The following IDH2 variants were observed in gnomAD, a reference collection of about 807,000 sequenced individuals.
IDH2 encodes the protein isocitrate dehydrogenase (NADP(+)) 2.
Under a neutral mutation model 50.5 loss-of-function variants are expected in IDH2, and 18 were observed. The observed-to-expected ratio is 0.36, with a 90% confidence interval of 0.25 to 0.53. The LOEUF (loss-of-function observed/expected upper bound fraction) is 0.53, where lower values mean the gene tolerates loss of function less well. IDH2 is among the 20% of genes least tolerant of loss of function. IDH2 has a pLI of 0.92. For missense variants in IDH2, 518 were observed against 610.7 expected (o/e 0.85, Z 1.60); for synonymous variants, 280 against 239.8 (o/e 1.17, Z -1.55).
chr15:90,095,745 C>T (rs766556102), intron 1 of IDH2, among the ~76,000 whole-genome samples: 1 of 152,148 alleles, frequency 6.6e-6, no homozygotes, highest in Non-Finnish European at 1.5e-5. Context: ...AGTGCCTGCC[C>T]GGAGGCAGTG....
At chr15:90,095,574 G>A (rs761739631) in intron 1 of IDH2, among the ~76,000 whole-genome samples, 2 of 152,080 alleles carry the variant, frequency 1.3e-5, no homozygotes, top group Non-Finnish European at 2.9e-5. Context: ...TCCACGGTTG[G>A]GCTTCAGGCA....
chr15:90,095,354 A>C (rs538472033), intron 1 of IDH2, among the ~76,000 whole-genome samples: 1 of 152,136 alleles, frequency 6.6e-6, no homozygotes, highest in South Asian at 2.1e-4. Context: ...CTTTTTTCTG[A>C]AGCTTGAGTG....
chr15:90,084,681 T>C lies in IDH2; in HGVS notation c.1271+135A>G. ...GGTCTACAGAGGCTGGCCTGAGCAGTCTCTCAGGGCTGTGGACATGTCCTG... is the reference window on the plus strand; with the variant it reads ...GGTCTACAGAGGCTGGCCTGAGCAGCCTCTCAGGGCTGTGGACATGTCCTG... On this transcript the variant is annotated intron_variant, in intron 10 of 10. Transcript: ENST00000330062. The surrounding 1 kb of genome is among the most constrained non-coding windows in gnomAD (Gnocchi z 5.0). 1.3e-6 allele frequency: 1 copy of C among 787,726 alleles called. No individual in the cohort carries two copies. Among genetic ancestry groups the C allele is most frequent in the African/African-American group, 1.7e-5 (1 of 59,240 alleles). The allele number at this position is 787,726 out of a possible 1,614,324, so 48.8% of individuals were successfully genotyped here.
intron 6 of IDH2, 54 bp from the exon 7 acceptor site, chr15:90,087,317 G>A (rs2151548261): frequency 1.2e-6 from 2 of 1,612,258 alleles, no homozygotes; most frequent in South Asian, 2.2e-5. Flanking sequence ...ACAGGTTGGG[G>A]ATCCCTCCCT....
Position 90,087,245 on chromosome 15 carries a change from G to A in IDH2, c.834C>T (p.Phe278=), listed in dbSNP as rs938229610. The A allele has an allele frequency of 2.5e-6, 4 of 1,614,162 alleles. No homozygotes were observed. Among genetic ancestry groups the A allele is most frequent in the Non-Finnish European group, 2.5e-6 (3 of 1,180,038 alleles). ...GCTCATACCAGATCTTATTCTTGTC[G>A]AAGTCGGTCTTATAGTGCCTGGGAG... The part of the protein sequence containing the change: ...EIFDKHYKTD[F]DKNKIWYEHR... Residue 278 remains phenylalanine (F), a synonymous_variant, in exon 7 of 11, where the codon TTC becomes TTT. Coordinates refer to ENST00000330062, the MANE Select transcript of IDH2 (RefSeq NM_002168.4).
rs1901241034 is a variant in IDH2, at chr15:90,098,522, G to GCA, written c.115+3753_115+3754insTG. ...ATATTTTATGTATGTATGTATGTAT[G>GCA]TATGCATGCATGTATGTATGTATGT... On this transcript the variant is annotated intron_variant, in intron 1 of 10. Transcript: ENST00000330062. The surrounding 1 kb of genome is among the most constrained non-coding windows in gnomAD (Gnocchi z 5.1). 3.3e-5 allele frequency among the ~76,000 whole-genome samples: 5 copies of GCA among 151,822 alleles called. No individual in the cohort carries two copies. Among genetic ancestry groups the GCA allele is most frequent in the Admixed American group, 6.6e-5 (1 of 15,202 alleles).
rs1292459060 is a variant in IDH2 at position 90,085,278 on chromosome 15, C to T, written c.1077G>A (p.Gln359=). 1.3e-6 allele frequency: 2 copies of T among 1,557,640 alleles called. No homozygotes were observed. The highest frequency in any genetic ancestry group is 1.2e-5 in the South Asian group (1 of 85,198). ...AGGCCCCATGCCCTGCACTCACCTT[C>T]TGGTGCTCCCGATAGTGGCGGGTGA... ...GTVTRHYREH[Q]KGRPTSTNPI... The change falls in exon 8 of 11, where the codon CAG becomes CAA. Residue 359 remains glutamine (Q), a synonymous_variant. Transcript: ENST00000330062. The surrounding 1 kb of genome is among the most constrained non-coding windows in gnomAD (Gnocchi z 5.5).
Position 90,083,613 on chromosome 15 carries a change from T to C in IDH2, c.*653A>G, listed in dbSNP as rs999783295. ...GAGGCAGGTGTGGGTAGGACCTCTTTTTAGTACCTAGAAAAAGGCTAAGAA... is the reference window on the plus strand; with the variant it reads ...GAGGCAGGTGTGGGTAGGACCTCTTCTTAGTACCTAGAAAAAGGCTAAGAA... On this transcript the variant is annotated 3_prime_UTR_variant, in exon 11 of 11. Coordinates refer to ENST00000330062, the MANE Select transcript of IDH2 (RefSeq NM_002168.4). 2.6e-5 allele frequency: 4 copies of C among 155,626 alleles called. No individual in the cohort carries two copies. Among genetic ancestry groups the C allele is most frequent in the African/African-American group, 9.7e-5 (4 of 41,444 alleles). The allele number at this position is 155,626 out of a possible 1,614,324, so 9.6% of individuals were successfully genotyped here. A position where few individuals can be genotyped will look rare whatever the true frequency, so the allele number is the denominator to read the frequency against.
chr15:90,085,189 C>A lies in IDH2; in HGVS notation c.1080+86G>T. 1 of 1,533,872 alleles carries A rather than the reference C, an allele frequency of 6.5e-7. No individual in the cohort carries two copies. The highest frequency in any genetic ancestry group is 1.1e-5 in the South Asian group (1 of 88,780). Reference sequence around the variant, plus strand: ...GCTGCCCGCCCCTGGGCTGGTGGGTCAGGCTCGTCCTTCCAGCCCTCAGCC... The same window carrying A: ...GCTGCCCGCCCCTGGGCTGGTGGGTAAGGCTCGTCCTTCCAGCCCTCAGCC... On this transcript the variant is annotated intron_variant, in intron 8 of 10. Transcript: ENST00000330062. This position sits in a 1 kb window ranked among gnomAD's most constrained non-coding sequence, Gnocchi z 5.5.
chr15:90,096,150 A>G (rs1228522534), intron 1 of IDH2, among the ~76,000 whole-genome samples: 3 of 152,126 alleles, frequency 2.0e-5, no homozygotes, highest in Non-Finnish European at 4.4e-5. Context: ...TAGAAAAAAA[A>G]TTAGCCTGGT....
At chr15:90,099,436 C>G (rs28458925) in intron 1 of IDH2, among the ~76,000 whole-genome samples, 49,287 of 151,996 alleles carry the variant, frequency 0.32, 9,114 homozygotes, top group African/African-American at 0.51. Context: ...GTGCACACAC[C>G]TTTCTTGCCT....
In IDH2 at chr15:90,094,011, G is replaced by A. The variant is rs1478982922; in HGVS notation, c.116-2367C>T. Among the ~76,000 whole-genome samples, 4 of 152,116 alleles carry A rather than the reference G, an allele frequency of 2.6e-5. No individual in the cohort carries two copies. The East Asian group carries it at 5.8e-4, about 22-fold the overall frequency. On this transcript the variant is annotated intron_variant, in intron 1 of 10. Transcript: ENST00000330062. The stretch of plus-strand genomic sequence containing the variant: ...CAGAGCTTGAAAACAGCAGAGTCAC[G>A]AGGACTCTGACCCTATTCAACAGGA...
In IDH2 at chr15:90,088,248, C is replaced by T; in HGVS notation, c.678+111G>A. On this transcript the variant is annotated intron_variant, in intron 5 of 10. Transcript: ENST00000330062. ...TGCCCAGCCCTGGTGGCCATTTCTG[C>T]CTCTTTGTGGCCTAAGAATGAGGCC... 4 of 1,406,992 alleles carry T rather than the reference C, an allele frequency of 2.8e-6. No homozygotes were observed. In the East Asian group the frequency reaches 6.8e-5, roughly 24 times the overall value. The allele number at this position is 1,406,992 out of a possible 1,614,324, so 87.2% of individuals were successfully genotyped here.
intron 1 of IDH2, among the ~76,000 whole-genome samples, chr15:90,101,071 G>C (rs1470250651): frequency 6.6e-6 from 1 of 152,124 alleles, no homozygotes; most frequent in African/African-American, 2.4e-5. Context: ...GAACCTGGGA[G>C]TTGTTGGGCA....
rs1431694926 is a variant in IDH2, at chr15:90,102,306, G to C, written c.85C>G (p.Pro29Ala). 7.4e-7 allele frequency: 1 copy of C among 1,354,162 alleles called. No homozygotes were observed. Among genetic ancestry groups the C allele is most frequent in the Non-Finnish European group, 9.6e-7 (1 of 1,042,346 alleles). The allele number at this position is 1,354,162 out of a possible 1,614,324, so 83.9% of individuals were successfully genotyped here. A position where few individuals can be genotyped will look rare whatever the true frequency, so the allele number is the denominator to read the frequency against. The change falls in exon 1 of 11, where the codon CCC (proline) becomes GCC (alanine). Residue 29 changes from proline to alanine, a missense_variant. Physicochemically the swap from Pro to Ala is conservative, Grantham distance 27 (BLOSUM62 -1). Around this residue, in one of 5 missense-constraint regions of IDH2, gnomAD observed 85 missense variants for 66.9 expected, o/e 1.27. Transcript: ENST00000330062. ...CGCCGCGGCTGCTCTTGCGAGGTGG[G>C]GGCTGTCAGGGCCGCCGGCGCCCAG... is the stretch of plus-strand genomic sequence containing the variant. ...PAWAPAALTA[P>A]TSQEQPRRHY...
chr15:90,088,686 C>T lies in IDH2; in HGVS notation c.435G>A (p.Gly145=), dbSNP rs200758694. The T allele has an allele frequency of 1.1e-5, 17 of 1,613,578 alleles. No individual in the cohort carries two copies. The East Asian group carries it at 1.8e-4, about 17-fold the overall frequency. The part of the protein sequence containing the change: ...PNGTIRNILG[G]TVFREPIICK... ...AGATGATGGGCTCCCGGAAGACAGTCCCCCCCAGGATGTTCCGGATAGTTC... is the reference window on the plus strand; with the variant it reads ...AGATGATGGGCTCCCGGAAGACAGTTCCCCCCAGGATGTTCCGGATAGTTC... Residue 145 remains glycine, a synonymous_variant, in exon 4 of 11, where the codon GGG becomes GGA. Coordinates refer to ENST00000330062, the MANE Select transcript of IDH2 (RefSeq NM_002168.4).
rs1346835626 is a variant in IDH2, at chr15:90,085,810, C to T, written c.968-423G>A. Among the ~76,000 whole-genome samples, 2 of 152,220 alleles carry T rather than the reference C, an allele frequency of 1.3e-5. No individual in the cohort carries two copies. Among genetic ancestry groups the T allele is most frequent in the African/African-American group, 4.8e-5 (2 of 41,440 alleles). The stretch of plus-strand genomic sequence containing the variant: ...CAACAATCACTTTTGCAGCTACTCT[C>T]TTAGGCCACTTTCAAGCTTTTTGAT... On this transcript the variant is annotated intron_variant, in intron 7 of 10. Coordinates refer to ENST00000330062, the MANE Select transcript of IDH2 (RefSeq NM_002168.4). The surrounding 1 kb of genome is among the most constrained non-coding windows in gnomAD (Gnocchi z 5.5).
chr15:90,096,775 G>A (rs905061300), intron 1 of IDH2, among the ~76,000 whole-genome samples: 11 of 152,204 alleles, frequency 7.2e-5, no homozygotes, highest in Middle Eastern at 3.4e-3. Flanking sequence ...TTAGCCAGGC[G>A]TGGTGGCAGG....
Position 90,086,394 on chromosome 15 carries a change from A to AT in IDH2, c.967+717dup, listed in dbSNP as rs1347033173. The stretch of plus-strand genomic sequence containing the variant: ...TGGTCTCACCTATACTTTATTTTTT[A>AT]TTTTTTATTTTTTTTGGAGACGGAG... On this transcript the variant is annotated intron_variant, in intron 7 of 10. Coordinates refer to ENST00000330062, the MANE Select transcript of IDH2 (RefSeq NM_002168.4). Among the ~76,000 whole-genome samples, 7 of 151,360 alleles carry AT rather than the reference A, an allele frequency of 4.6e-5. 1 individual carries two copies. Among genetic ancestry groups the AT allele is most frequent in the Non-Finnish European group, 1.0e-4 (7 of 67,864 alleles).
Sources: allele counts gnomAD v4.1 joint callset (sites outside exome capture counted in the v4.1 genomes callset), GRCh38; gene constraint gnomAD v4.1.1; regional missense constraint gnomAD v4.1.1; non-coding constraint Gnocchi (gnomAD v3.1); transcripts MANE v1.5; gene names NCBI Gene and HGNC (gene_info 2026-07-23, HGNC 2026-07-21).